Variants in IMPG2 observed in about 807,000 individuals in gnomAD.
IMPG2 encodes IPM 200.
IMPG2 carries 91 observed loss-of-function variants against 129.2 expected under a neutral mutation model. The ratio of observed to expected loss-of-function variants is 0.70; its 90% CI spans 0.59 to 0.84. IMPG2 has a LOEUF of 0.84. IMPG2 is among the 40% of genes least tolerant of loss of function. The pLI is 0.00. For synonymous variants in IMPG2, 510 were observed against 517.7 expected, an observed-to-expected ratio of 0.99 and a Z score of 0.20; for missense variants, 1,430 against 1,461.7, an observed-to-expected ratio of 0.98 and a Z score of 0.35.
chr3:101,253,556 G>A (rs1559645512), intron 11 of IMPG2, 140 bp downstream of exon 11: 13 of 699,764 alleles, frequency 1.9e-5, no homozygotes, highest in Non-Finnish European at 3.1e-5. Context: ...TGACAGCTAT[G>A]AGTAATGGTC....
chr3:101,314,691 A>G (rs2058775408), intron 2 of IMPG2, among the ~76,000 whole-genome samples: 1 of 152,150 alleles, frequency 6.6e-6, no homozygotes, highest in Non-Finnish European at 1.5e-5. Flanking sequence ...GGTTAATACT[A>G]TACCTGGTAG....
intron 3 of IMPG2, among the ~76,000 whole-genome samples, chr3:101,293,291 A>G (rs1056591409): frequency 1.3e-5 from 2 of 152,188 alleles, no homozygotes; most frequent in African/African-American, 4.8e-5. Flanking sequence ...CAGAATAAAT[A>G]TTGTATTGGC....
chr3:101,291,998 A>C (rs1418976831), intron 3 of IMPG2, among the ~76,000 whole-genome samples: 1 of 152,196 alleles, frequency 6.6e-6, no homozygotes. Context: ...GGGCATTCTA[A>C]AGCAAATTTC....
intron 9 of IMPG2, among the ~76,000 whole-genome samples, chr3:101,263,252 TAC>T (rs1311858423): frequency 6.6e-6 from 1 of 152,030 alleles, no homozygotes; most frequent in Non-Finnish European, 1.5e-5. Context: ...AGCTGCAGAA[TAC>T]ACACTGTTTT....
intron 14 of IMPG2, among the ~76,000 whole-genome samples, chr3:101,233,560 T>C (rs542395054): frequency 1.3e-5 from 2 of 152,336 alleles, no homozygotes; most frequent in African/African-American, 2.4e-5. Flanking sequence ...AAGTCAGCCC[T>C]GCACTTCCTG....
intron 13 of IMPG2, 120 bp from the exon 14 acceptor site, chr3:101,243,027 T>A: frequency 1.3e-6 from 1 of 761,010 alleles, no homozygotes. Flanking sequence ...TAATTGTATT[T>A]TATCTACACT....
intron 9 of IMPG2, among the ~76,000 whole-genome samples, chr3:101,262,489 C>A (rs1576755584): frequency 6.6e-6 from 1 of 151,970 alleles, no homozygotes; most frequent in African/African-American, 2.4e-5. Flanking sequence ...TAATTCCTGA[C>A]AATGCTGAAT....
chr3:101,227,052 T>C (rs1348987364), intron 18 of IMPG2, 71 bp from the exon 19 acceptor site: 9 of 1,426,864 alleles, frequency 6.3e-6, no homozygotes, highest in South Asian at 1.1e-5. Flanking sequence ...ATTACTGTCA[T>C]ACATCACTAA....
chr3:101,301,856 T>C lies in IMPG2; in HGVS notation c.501+2290A>G, dbSNP rs1707142501. Among the ~76,000 whole-genome samples, 2 of 152,234 alleles carry C rather than the reference T, an allele frequency of 1.3e-5. 1 individual carries two copies. The highest frequency in any genetic ancestry group is 4.1e-4 in the South Asian group (2 of 4,832). On this transcript the variant is annotated intron_variant, in intron 3 of 18. Coordinates refer to ENST00000193391, the MANE Select transcript of IMPG2 (RefSeq NM_016247.4). ...CTCCTATAATCCATCCTATGCTATG[T>C]AGAAACCGTAACGACCTTTTTAAAA... is the stretch of plus-strand genomic sequence containing the variant.
intron 14 of IMPG2, 150 bp downstream of exon 14, chr3:101,242,538 T>A (rs185111796): frequency 4.6e-5 from 31 of 674,316 alleles, no homozygotes; most frequent in Admixed American, 3.5e-4. Flanking sequence ...GAGAAATATT[T>A]TACTAGTTAC....
At chr3:101,242,076 A>G (rs1706414833) in intron 14 of IMPG2, among the ~76,000 whole-genome samples, 1 of 152,084 alleles carries the variant, frequency 6.6e-6, no homozygotes. Context: ...TAAGTAGCTG[A>G]GTAGATAAAG....
chr3:101,227,009 A>G (rs1706231596), intron 18 of IMPG2, 28 bp from the exon 19 acceptor site: 1 of 1,612,958 alleles, frequency 6.2e-7, no homozygotes, highest in Non-Finnish European at 8.5e-7. Context: ...AGAGCAATTC[A>G]GTAAAAAAAA....
chr3:101,254,237 T>C (rs1303559757), intron 10 of IMPG2, among the ~76,000 whole-genome samples: 2 of 152,144 alleles, frequency 1.3e-5, no homozygotes, highest in Non-Finnish European at 2.9e-5. Flanking sequence ...ACACCAAAAA[T>C]CTTTGTCACT....
chr3:101,245,876 G>T lies in IMPG2; in HGVS notation c.1469C>A (p.Thr490Asn). Reference protein sequence around the residue: ...EVSSLTLHSVTPAVLQTGLPV... With the variant: ...EVSSLTLHSVNPAVLQTGLPV... ...CAAGCCAGTCTGAAGCACTGCCGGG[G>T]TGACAGAATGAAGAGTCAAGCTGCT... The change falls in exon 12 of 19, where the codon ACC (threonine) becomes AAC (asparagine). Residue 490 changes from threonine (T) to asparagine (N), a missense_variant. Coordinates refer to ENST00000193391, the MANE Select transcript of IMPG2 (RefSeq NM_016247.4). The T allele has an allele frequency of 6.2e-7, 1 of 1,614,180 alleles. No homozygotes were observed. Among genetic ancestry groups the T allele is most frequent in the Non-Finnish European group, 8.5e-7 (1 of 1,180,014 alleles).
rs755276527 is a variant in IMPG2, at chr3:101,244,467, C to G, written c.1864G>C (p.Glu622Gln). ...ITWPWSETSS[E>Q]KSAEPLSKPW... ...TTGGACAGTGGTTCAGCGCTCTTCT[C>G]TGATGAAGTCTCACTCCATGGCCAA... is the stretch of plus-strand genomic sequence containing the variant. Residue 622 changes from glutamate (E) to glutamine (Q), a missense_variant, in exon 13 of 19, where the codon GAG (glutamate) becomes CAG (glutamine). Coordinates refer to ENST00000193391, the MANE Select transcript of IMPG2 (RefSeq NM_016247.4). 87 of 1,613,974 alleles carry G rather than the reference C, an allele frequency of 5.4e-5. No individual in the cohort carries two copies. Among genetic ancestry groups the G allele is most frequent in the Non-Finnish European group, 7.4e-5 (87 of 1,179,980 alleles).
At position 101,267,551 on chromosome 3, in the gene IMPG2, A is replaced by G; in HGVS notation, c.888-20T>C. ...GGGGACCTGAAAACAAAAATTAAAAATATTAAACAGAGTTTGAGACAGTTA... is the reference window on the plus strand; with the variant it reads ...GGGGACCTGAAAACAAAAATTAAAAGTATTAAACAGAGTTTGAGACAGTTA... On this transcript the variant is annotated intron_variant, in intron 8 of 18. Coordinates refer to ENST00000193391, the MANE Select transcript of IMPG2 (RefSeq NM_016247.4). 1 of 1,601,508 alleles carries G rather than the reference A, an allele frequency of 6.2e-7. No homozygotes were observed. The highest frequency in any genetic ancestry group is 8.6e-7 in the Non-Finnish European group (1 of 1,168,722).
rs761128070 is a variant in IMPG2, at chr3:101,253,682, A to G, written c.1239+14T>C. 2 of 1,590,288 alleles carry G rather than the reference A, an allele frequency of 1.3e-6. No homozygotes were observed. The highest frequency in any genetic ancestry group is 2.2e-5 in the South Asian group (2 of 89,968). ...CTTGAGGGCCTGGTTCTAGCATAAA[A>G]CATAAAAACATACCAGAATAGATGA... On this transcript the variant is annotated intron_variant, in intron 11 of 18. Transcript: ENST00000193391.
chr3:101,301,188 A>G (rs1371755511), intron 3 of IMPG2, among the ~76,000 whole-genome samples: 3 of 152,246 alleles, frequency 2.0e-5, no homozygotes, highest in Admixed American at 2.0e-4. Flanking sequence ...CACAACAATT[A>G]CAATAGTTAT....
chr3:101,256,173 GAA>G (rs1202694832), intron 10 of IMPG2, among the ~76,000 whole-genome samples: 1 of 134,708 alleles, frequency 7.4e-6, no homozygotes, highest in African/African-American at 2.8e-5. Flanking sequence ...AAGAAAGAAA[GAA>G]AGAAAGAAAG....
Sources: gnomAD v4.1 joint callset for allele counts (sites outside exome capture counted in the v4.1 genomes callset) on GRCh38, gnomAD v4.1.1 for gene constraint, MANE v1.5 for transcripts, NCBI Gene and HGNC (gene_info 2026-07-23, HGNC 2026-07-21) for gene names.